The following COG3 variants were observed in gnomAD, a reference collection of about 807,000 sequenced individuals.
COG3 encodes conserved oligomeric Golgi complex subunit 3.
In COG3, 32 loss-of-function variants were observed where a neutral mutation model predicts 114.1. That is an observed-to-expected ratio of 0.28 (90% confidence interval 0.21 to 0.38). COG3 has a LOEUF of 0.38. Among genes scored for constraint, COG3 ranks in the 10% least tolerant of loss-of-function variants. The probability of loss-of-function intolerance (pLI) is 1.00; values close to 1 mark genes in which losing one functional copy is unlikely to be tolerated. For synonymous variants in COG3, 352 were observed against 365.7 expected, an observed-to-expected ratio of 0.96 and a Z score of 0.43; for missense variants, 813 against 973.2, an observed-to-expected ratio of 0.84 and a Z score of 2.19.
chr13:45,489,287 C>A (rs1886878314), intron 8 of COG3, among the ~76,000 whole-genome samples: 6 of 22,924 alleles, frequency 2.6e-4, no homozygotes, highest in Admixed American at 5.4e-4. Flanking sequence ...AAAAGCCAAC[C>A]AGTTTAAAGG....
intron 1 of COG3, among the ~76,000 whole-genome samples, chr13:45,470,485 T>C (rs1435275580): frequency 6.6e-6 from 1 of 152,248 alleles, no homozygotes; most frequent in Admixed American, 6.5e-5. Flanking sequence ...ACTAGAATTA[T>C]GCAGTGTAAG....
rs778180574 is a variant in COG3 at position 45,480,254 on chromosome 13, C to A, written c.513C>A (p.Thr171=). ...TTTTTGTGTCCAATAAGACAGGAAC[C>A]CTACATGAAGCCTGTGAACAGCTCC... is the stretch of plus-strand genomic sequence containing the variant. ...QYLFVSNKTG[T]LHEACEQLLK... The change falls in exon 4 of 23, where the codon ACC becomes ACA. Residue 171 remains threonine (T), a synonymous_variant. Transcript: ENST00000349995. 6 of 1,613,348 alleles carry A rather than the reference C, an allele frequency of 3.7e-6. No homozygotes were observed. The highest frequency in any genetic ancestry group is 5.1e-6 in the Non-Finnish European group (6 of 1,179,618).
At chr13:45,529,949 G>A (rs754492592) in intron 21 of COG3, 31 bp downstream of exon 21, 20 of 1,585,780 alleles carry the variant, frequency 1.3e-5, no homozygotes, top group Non-Finnish European at 1.7e-5. Context: ...TTGAATGTTG[G>A]CGGGTGACTT....
intron 5 of COG3, 53 bp from the exon 6 acceptor site, chr13:45,482,328 T>C: frequency 1.0e-6 from 1 of 958,614 alleles, no homozygotes; most frequent in Non-Finnish European, 1.6e-6. Flanking sequence ...AGTTTCCAAC[T>C]TTTATCTGTA....
chr13:45,508,450 GTA>G (rs1341860545), intron 14 of COG3, among the ~76,000 whole-genome samples: 5 of 148,478 alleles, frequency 3.4e-5, no homozygotes, highest in Non-Finnish European at 7.4e-5. Flanking sequence ...ACATATATGT[GTA>G]TGTGTGTATT....
intron 20 of COG3, among the ~76,000 whole-genome samples, chr13:45,525,400 C>T (rs1333073758): frequency 1.3e-5 from 2 of 152,024 alleles, no homozygotes; most frequent in East Asian, 1.9e-4. Context: ...GAAATTATGG[C>T]GAGTGTACCC....
At chr13:45,466,999 A>G (rs1463303966) in intron 1 of COG3, among the ~76,000 whole-genome samples, 1 of 152,198 alleles carries the variant, frequency 6.6e-6, no homozygotes, top group Non-Finnish European at 1.5e-5. Context: ...AAAAGAACAA[A>G]GAAGGTATGT....
In COG3 at chr13:45,478,994, T is replaced by G; in HGVS notation, c.322-11T>G. On this transcript the variant is annotated splice_polypyrimidine_tract_variant and intron_variant, in intron 2 of 22. Coordinates refer to ENST00000349995, the MANE Select transcript of COG3 (RefSeq NM_031431.4). ...TAGTTTTGTTCACAATATAATACTC[T>G]GTTTTTCCAGTTTTTCTCATGGTTT... The G allele has an allele frequency of 6.2e-7, 1 of 1,603,512 alleles. No homozygotes were observed. The highest frequency in any genetic ancestry group is 8.5e-7 in the Non-Finnish European group (1 of 1,173,162).
At chr13:45,534,632 C>A in intron 22 of COG3, 70 bp from the exon 23 acceptor site, 3 of 1,189,934 alleles carry the variant, frequency 2.5e-6, no homozygotes, top group Non-Finnish European at 2.4e-6. Flanking sequence ...TGGTTCCCCT[C>A]CCTCCTTGAC....
chr13:45,518,511 T>C (rs1265609278), intron 17 of COG3, among the ~76,000 whole-genome samples: 5 of 152,244 alleles, frequency 3.3e-5, no homozygotes, highest in African/African-American at 1.2e-4. Flanking sequence ...TTACCATTTA[T>C]CATTTTTCTT....
chr13:45,503,255 G>A lies in COG3; in HGVS notation c.1500G>A (p.Gln500=), dbSNP rs1167175984. The part of the protein sequence containing the change: ...DKLVMMEQIA[Q]SLKDEQKKVP... ...ATTTCTTTATACAGCAGATTGCACA[G>A]AGTTTGAAAGATGAACAGAAGAAGG... The change falls in exon 14 of 23, where the codon CAG becomes CAA. Residue 500 remains glutamine (Q), a synonymous_variant. Coordinates refer to ENST00000349995, the MANE Select transcript of COG3 (RefSeq NM_031431.4). The A allele has an allele frequency of 1.9e-6, 3 of 1,573,744 alleles. 1 individual carries two copies. The South Asian group carries it at 3.3e-5, about 17-fold the overall frequency.
At chr13:45,510,299 T>C (rs1344486985) in intron 15 of COG3, among the ~76,000 whole-genome samples, 1 of 152,232 alleles carries the variant, frequency 6.6e-6, no homozygotes, top group African/African-American at 2.4e-5. Flanking sequence ...GCATAATTGC[T>C]GGGCTTTGTG....
chr13:45,465,099 G>T lies in COG3; in HGVS notation c.63G>T (p.Lys21Asn). 1 of 1,612,098 alleles carries T rather than the reference G, an allele frequency of 6.2e-7. No individual in the cohort carries two copies. The highest frequency in any genetic ancestry group is 8.5e-7 in the Non-Finnish European group (1 of 1,179,526). Residue 21 changes from lysine to asparagine, a missense_variant, in exon 1 of 23, where the codon AAG (lysine) becomes AAT (asparagine). Transcript: ENST00000349995. Reference sequence around the variant, plus strand: ...CGGCGGAGCGGGACGCTAGGGAAAAGCTGGCTCTCTGGGATCGGAGACCGG... The same window carrying T: ...CGGCGGAGCGGGACGCTAGGGAAAATCTGGCTCTCTGGGATCGGAGACCGG... ...EAAAERDARE[K>N]LALWDRRPDT...
intron 8 of COG3, among the ~76,000 whole-genome samples, chr13:45,489,506 G>A (rs577475359): frequency 6.6e-6 from 1 of 152,020 alleles, no homozygotes; most frequent in Non-Finnish European, 1.5e-5. Flanking sequence ...AGATAAGAGG[G>A]CTCAGTGTGG....
chr13:45,478,981 CAATAT>C lies in COG3; in HGVS notation c.322-19_322-15del. ...ATTTTGTCAGTTTTAGTTTTGTTCA[CAATAT>C]AATACTCTGTTTTTCCAGTTTTTCT... is the stretch of plus-strand genomic sequence containing the variant. On this transcript the variant is annotated intron_variant, in intron 2 of 22. Coordinates refer to ENST00000349995, the MANE Select transcript of COG3 (RefSeq NM_031431.4). The C allele has an allele frequency of 1.3e-6, 2 of 1,578,786 alleles. No individual in the cohort carries two copies. Among genetic ancestry groups the C allele is most frequent in the Non-Finnish European group, 1.7e-6 (2 of 1,153,024 alleles).
chr13:45,522,158 A>C (rs1872229645), intron 19 of COG3, among the ~76,000 whole-genome samples: 1 of 151,994 alleles, frequency 6.6e-6, no homozygotes, highest in Non-Finnish European at 1.5e-5. Flanking sequence ...AGGAAAATCA[A>C]CACCCATAGG....
intron 6 of COG3, among the ~76,000 whole-genome samples, chr13:45,482,863 C>T (rs1886338180): frequency 6.6e-6 from 1 of 152,102 alleles, no homozygotes; most frequent in Admixed American, 6.5e-5. Flanking sequence ...AGGGACAAGC[C>T]CTTTGATTTA....
At chr13:45,481,129 C>A in intron 4 of COG3, 101 bp from the exon 5 acceptor site, 1 of 698,076 alleles carries the variant, frequency 1.4e-6, no homozygotes. Context: ...CTGATATAAA[C>A]CTCTGTGTCT....
chr13:45,509,825 A>G lies in COG3; in HGVS notation c.1719+9A>G, dbSNP rs770605583. The stretch of plus-strand genomic sequence containing the variant: ...TATACAGATGCATAGATGTACGTGT[A>G]TCTTTACTGTGAATTGCTCGTTCTT... On this transcript the variant is annotated intron_variant, in intron 15 of 22. Coordinates refer to ENST00000349995, the MANE Select transcript of COG3 (RefSeq NM_031431.4). The G allele has an allele frequency of 1.9e-6, 3 of 1,583,754 alleles. No homozygotes were observed. The highest frequency in any genetic ancestry group is 1.7e-4 in the Middle Eastern group (1 of 5,948).
Sources: gnomAD v4.1 joint callset for allele counts (sites outside exome capture counted in the v4.1 genomes callset) on GRCh38, gnomAD v4.1.1 for gene constraint, MANE v1.5 for transcripts, NCBI Gene and HGNC (gene_info 2026-07-23, HGNC 2026-07-21) for gene names.